The following EXOC4 variants were observed in gnomAD, a reference collection of about 807,000 sequenced individuals.
EXOC4 encodes SEC8-like 1.
Under a neutral mutation model 107.2 loss-of-function variants are expected in EXOC4, and 71 were observed. That is an observed-to-expected ratio of 0.66 (90% confidence interval 0.55 to 0.81). The LOEUF is 0.81. Ranked by LOEUF, EXOC4 falls within the 30% of genes least tolerant of loss-of-function variation. EXOC4 has a pLI of 0.00. For synonymous variants in EXOC4, 456 were observed against 441.2 expected, an observed-to-expected ratio of 1.03 and a Z score of -0.42; for missense variants, 1,108 against 1,189.6, an observed-to-expected ratio of 0.93 and a Z score of 1.01.
At chr7:133,506,995 A>C (rs1177779204) in intron 9 of EXOC4, among the ~76,000 whole-genome samples, 1 of 152,102 alleles carries the variant, frequency 6.6e-6, no homozygotes, top group Non-Finnish European at 1.5e-5. Context: ...CCTCCTAGTC[A>C]GACATTTAGA....
intron 10 of EXOC4, among the ~76,000 whole-genome samples, chr7:133,749,483 C>G (rs1339679475): frequency 6.6e-6 from 1 of 152,064 alleles, no homozygotes; most frequent in Non-Finnish European, 1.5e-5. Context: ...ACCTCTACCT[C>G]CCAGGTTCAA....
At chr7:134,029,316 G>A (rs898391811) in intron 17 of EXOC4, among the ~76,000 whole-genome samples, 1 of 152,140 alleles carries the variant, frequency 6.6e-6, no homozygotes, top group Non-Finnish European at 1.5e-5. Context: ...TGTGCTAAAT[G>A]AAAGAAGCCA....
chr7:133,430,936 C>T (rs1161011254), intron 7 of EXOC4, among the ~76,000 whole-genome samples: 1 of 152,134 alleles, frequency 6.6e-6, no homozygotes, highest in African/African-American at 2.4e-5. Flanking sequence ...GCACCTTGTC[C>T]ATTTTGTTCA....
At chr7:133,935,983 A>G (rs1170823644) in intron 13 of EXOC4, among the ~76,000 whole-genome samples, 1 of 152,202 alleles carries the variant, frequency 6.6e-6, no homozygotes, top group Non-Finnish European at 1.5e-5. Flanking sequence ...AAGCAGTGTC[A>G]CACAACAAGC....
At chr7:133,398,258 A>G (rs189268991) in intron 7 of EXOC4, among the ~76,000 whole-genome samples, 69 of 152,322 alleles carry the variant, frequency 4.5e-4, no homozygotes, top group Non-Finnish European at 8.1e-4. Context: ...CTTATTTCAC[A>G]TGGATCAAGC....
At chr7:133,782,276 C>CA (rs1240130610) in intron 10 of EXOC4, among the ~76,000 whole-genome samples, 1 of 152,178 alleles carries the variant, frequency 6.6e-6, no homozygotes, top group African/African-American at 2.4e-5. Flanking sequence ...GGCATGCAGT[C>CA]ATTCAGGGAT....
chr7:133,628,681 CTGG>C (rs1802514692), intron 9 of EXOC4, among the ~76,000 whole-genome samples: 1 of 152,234 alleles, frequency 6.6e-6, no homozygotes, highest in Non-Finnish European at 1.5e-5. Context: ...TGGCTGCCTA[CTGG>C]AAACCAGTCA....
rs532692119 is a variant in EXOC4, at chr7:133,594,493, C to CTTTTTTTTTTTTTTTTTTTTTTT, written c.1418-35532_1418-35531insTTTTTTTTTTTTTTTTTTTTTTT. ...AGACAAGAAATACATAAGCTTGAGT[C>CTTTTTTTTTTTTTTTTTTTTTTT]TTTTTTTTTTTTTTTTTTTTGAGAC... On this transcript the variant is annotated intron_variant, in intron 9 of 17. Coordinates refer to ENST00000253861, the MANE Select transcript of EXOC4 (RefSeq NM_021807.4). Among the ~76,000 whole-genome samples, 3 of 90,356 alleles carry CTTTTTTTTTTTTTTTTTTTTTTT rather than the reference C, an allele frequency of 3.3e-5. 1 individual carries two copies. Among genetic ancestry groups the CTTTTTTTTTTTTTTTTTTTTTTT allele is most frequent in the Non-Finnish European group, 5.9e-5 (3 of 51,192 alleles). 59.3% of individuals were successfully genotyped at this position (90,356 alleles called of 152,430 possible).
At chr7:133,377,635 T>A (rs566051916) in intron 7 of EXOC4, among the ~76,000 whole-genome samples, 11 of 152,072 alleles carry the variant, frequency 7.2e-5, no homozygotes, top group African/African-American at 2.2e-4. Context: ...GACCAAAAAG[T>A]TTTGAAATTT....
chr7:133,381,830 ATC>A (rs1796625657), intron 7 of EXOC4, among the ~76,000 whole-genome samples: 1 of 152,092 alleles, frequency 6.6e-6, no homozygotes, highest in Non-Finnish European at 1.5e-5. Context: ...TTTGTTTAGG[ATC>A]TTGTATTTGG....
At chr7:133,407,617 ATGTG>A (rs1274187706) in intron 7 of EXOC4, among the ~76,000 whole-genome samples, 2 of 152,186 alleles carry the variant, frequency 1.3e-5, no homozygotes, top group Non-Finnish European at 2.9e-5. Context: ...GTAAGATAAG[ATGTG>A]TGTAAGATGT....
chr7:133,978,778 T>C (rs943618030), intron 14 of EXOC4, among the ~76,000 whole-genome samples: 1 of 152,226 alleles, frequency 6.6e-6, no homozygotes, highest in African/African-American at 2.4e-5. Context: ...CTGAGCATCT[T>C]TCTGCCACTG....
intron 7 of EXOC4, among the ~76,000 whole-genome samples, chr7:133,404,124 A>G (rs1797156341): frequency 6.6e-6 from 1 of 152,126 alleles, no homozygotes; most frequent in Non-Finnish European, 1.5e-5. Flanking sequence ...TGTTTGATAC[A>G]GAGTCTTCTC....
chr7:133,387,574 G>T (rs896890902), intron 7 of EXOC4, among the ~76,000 whole-genome samples: 4 of 152,084 alleles, frequency 2.6e-5, no homozygotes, highest in Non-Finnish European at 5.9e-5. Context: ...CATGTTAATT[G>T]TCTGTTATTA....
At chr7:133,924,609 A>G (rs181083644) in intron 13 of EXOC4, among the ~76,000 whole-genome samples, 12 of 152,362 alleles carry the variant, frequency 7.9e-5, no homozygotes, top group Admixed American at 2.0e-4. Flanking sequence ...TTCTTAATAC[A>G]TGAAGCAAAG....
chr7:133,733,937 G>T (rs1367024546), intron 10 of EXOC4, among the ~76,000 whole-genome samples: 2 of 152,180 alleles, frequency 1.3e-5, no homozygotes, highest in Non-Finnish European at 2.9e-5. Flanking sequence ...GCTTGTGACA[G>T]AGAAATATGA....
chr7:133,788,913 C>T (rs1796646985), intron 10 of EXOC4, among the ~76,000 whole-genome samples: 1 of 150,444 alleles, frequency 6.6e-6, no homozygotes, highest in African/African-American at 2.5e-5. Context: ...AGCTCGTTCA[C>T]CATATAATAC....
Position 133,503,683 on chromosome 7 carries a change from C to T in EXOC4, c.1417+23545C>T, listed in dbSNP as rs192392980. 9.2e-5 allele frequency among the ~76,000 whole-genome samples: 14 copies of T among 152,232 alleles called. No homozygotes were observed. In the East Asian group the frequency reaches 2.5e-3, roughly 27 times the overall value. ...TACATGCTTTTCGGCATCCAATAAA[C>T]ATTTGCGGAAATAATTTATAGTTAT... On this transcript the variant is annotated intron_variant, in intron 9 of 17. Coordinates refer to ENST00000253861, the MANE Select transcript of EXOC4 (RefSeq NM_021807.4).
intron 9 of EXOC4, among the ~76,000 whole-genome samples, chr7:133,538,817 C>A (rs1305896611): frequency 6.3e-5 from 8 of 127,140 alleles, no homozygotes; most frequent in Non-Finnish European, 1.2e-4. Context: ...GGCTACAGAG[C>A]AAGACCCTGT....
Sources: allele counts gnomAD v4.1 joint callset (sites outside exome capture counted in the v4.1 genomes callset), GRCh38; gene constraint gnomAD v4.1.1; transcripts MANE v1.5; gene names NCBI Gene and HGNC (gene_info 2026-07-23, HGNC 2026-07-21).